KDM2A: variants seen among roughly 807,000 people sequenced by gnomAD.
KDM2A encodes lysine demethylase 2A, also known as lysine-specific demethylase 2A.
Under a neutral mutation model 137.3 loss-of-function variants are expected in KDM2A, and 3 were observed. The ratio of observed to expected loss-of-function variants is 0.02; its 90% confidence interval spans 0.01 to 0.06. KDM2A has a LOEUF of 0.06. Among genes scored for constraint, KDM2A ranks in the 10% least tolerant of loss-of-function variants. The probability of loss-of-function intolerance (pLI) is 1.00; values close to 1 mark genes in which losing one functional copy is unlikely to be tolerated. For synonymous variants in KDM2A, 512 were observed against 541.5 expected (o/e 0.95, Z 0.76); for missense variants, 738 against 1,510.6 (o/e 0.49, Z 8.48).
In KDM2A at chr11:67,130,850, G is replaced by A. The variant is rs111363689; in HGVS notation, c.42+9492G>A. Among the ~76,000 whole-genome samples the A allele has an allele frequency of 1.2e-3, 178 of 150,230 alleles. 1 individual carries two copies. The highest frequency in any genetic ancestry group is 4.2e-3 in the African/African-American group (171 of 40,424). On this transcript the variant is annotated intron_variant, in intron 2 of 20. Coordinates refer to ENST00000529006, the MANE Select transcript of KDM2A (RefSeq NM_012308.3). ...ACAACCCTGGAAGGTAGATGGTATC[G>A]TTTTAAACCTTGATTTTTTTTTTTT... is the stretch of plus-strand genomic sequence containing the variant.
chr11:67,132,602 T>G (rs1590707710), intron 2 of KDM2A, among the ~76,000 whole-genome samples: 1 of 152,304 alleles, frequency 6.6e-6, no homozygotes, highest in East Asian at 1.9e-4. Context: ...GTTTTTAATA[T>G]AACAGTGATT....
chr11:67,207,031 C>T (rs1857825531), intron 5 of KDM2A, among the ~76,000 whole-genome samples: 1 of 152,160 alleles, frequency 6.6e-6, no homozygotes, highest in Admixed American at 6.6e-5. Context: ...AATATAAATT[C>T]AAAATCAGTC....
intron 2 of KDM2A, among the ~76,000 whole-genome samples, chr11:67,166,839 G>A (rs145431330): frequency 1.2e-3 from 180 of 152,286 alleles, no homozygotes; most frequent in Admixed American, 2.2e-3. Context: ...CAATTTGGAA[G>A]GCCAAGGCGG....
At chr11:67,218,889 G>T (rs745672317) in intron 9 of KDM2A, among the ~76,000 whole-genome samples, 1 of 152,216 alleles carries the variant, frequency 6.6e-6, no homozygotes, top group Non-Finnish European at 1.5e-5. Flanking sequence ...GATTATAGGC[G>T]TGAGCCCCCG....
chr11:67,134,654 G>A (rs573875937), intron 2 of KDM2A, among the ~76,000 whole-genome samples: 3 of 150,924 alleles, frequency 2.0e-5, no homozygotes, highest in East Asian at 4.0e-4. Flanking sequence ...ACAGGTATGC[G>A]TCGCCACGCC....
intron 5 of KDM2A, 85 bp from the exon 6 acceptor site, chr11:67,207,425 T>C: frequency 9.3e-7 from 1 of 1,074,048 alleles, no homozygotes; most frequent in South Asian, 2.4e-5. Flanking sequence ...ACAGTATTTT[T>C]TCTTCTACTT....
At chr11:67,122,974 C>G (rs979343192) in intron 2 of KDM2A, among the ~76,000 whole-genome samples, 7 of 151,854 alleles carry the variant, frequency 4.6e-5, no homozygotes, top group Admixed American at 4.0e-4. Flanking sequence ...TGCATCTGGC[C>G]TTTTATTTTT....
chr11:67,126,278 A>G (rs938391908), intron 2 of KDM2A, among the ~76,000 whole-genome samples: 2 of 151,608 alleles, frequency 1.3e-5, no homozygotes, highest in South Asian at 2.1e-4. Flanking sequence ...TAACTAGTTT[A>G]AAAAAATTGT....
Position 67,245,260 on chromosome 11 carries a change from A to T in KDM2A, c.1635A>T (p.Pro545=), listed in dbSNP as rs1336215400. The T allele has an allele frequency of 6.2e-7, 1 of 1,614,038 alleles. No individual in the cohort carries two copies. The highest frequency in any genetic ancestry group is 8.5e-7 in the Non-Finnish European group (1 of 1,179,898). ...TTACGAAGCCTCACACTATGAAACC[A>T]GCTCCACGGTTAACACCTGTGAGGC... is the stretch of plus-strand genomic sequence containing the variant. ...IPITKPHTMK[P]APRLTPVRPA... is the part of the protein sequence containing the mutation. The change falls in exon 14 of 21, where the codon CCA becomes CCT. Residue 545 remains proline (P), a synonymous_variant. Transcript: ENST00000529006. The surrounding 1 kb of genome is among the most constrained non-coding windows in gnomAD (Gnocchi z 4.1).
At chr11:67,130,397 G>A (rs556337963) in intron 2 of KDM2A, among the ~76,000 whole-genome samples, 143 of 151,988 alleles carry the variant, frequency 9.4e-4, no homozygotes, top group Non-Finnish European at 1.8e-3. Context: ...CGCCCACTTC[G>A]GCCTCCCAAA....
chr11:67,183,683 G>A (rs940274953), intron 5 of KDM2A, among the ~76,000 whole-genome samples: 5 of 152,176 alleles, frequency 3.3e-5, no homozygotes, highest in Non-Finnish European at 7.3e-5. Context: ...AAGCAGCTGT[G>A]CATATGTTTC....
At chr11:67,155,157 G>A (rs1856485071) in intron 2 of KDM2A, among the ~76,000 whole-genome samples, 1 of 152,122 alleles carries the variant, frequency 6.6e-6, no homozygotes, top group African/African-American at 2.4e-5. Context: ...TGGGGTTGCA[G>A]GTGCCTGCCA....
intron 3 of KDM2A, 85 bp downstream of exon 3, chr11:67,180,302 G>A (rs1279720706): frequency 4.4e-6 from 6 of 1,374,516 alleles, no homozygotes; most frequent in Admixed American, 2.5e-5. Flanking sequence ...CCTTTATCCA[G>A]CTAAAATATT....
rs1044867364 is a variant in KDM2A at position 67,228,240 on chromosome 11, T to G, written c.1084+77T>G. On this transcript the variant is annotated intron_variant, in intron 11 of 20. Coordinates refer to ENST00000529006, the MANE Select transcript of KDM2A (RefSeq NM_012308.3). Reference sequence around the variant, plus strand: ...GAGGCCCGAAATACTCAGTAGGCTGTCACTCAATATGTTCTTGGTTTTTTA... The same window carrying G: ...GAGGCCCGAAATACTCAGTAGGCTGGCACTCAATATGTTCTTGGTTTTTTA... 3 of 1,465,558 alleles carry G rather than the reference T, an allele frequency of 2.0e-6. No individual in the cohort carries two copies. In the African/African-American group the frequency reaches 4.2e-5, roughly 21 times the overall value. The allele number at this position is 1,465,558 out of a possible 1,614,324, so 90.8% of individuals were successfully genotyped here. A position where few individuals can be genotyped will look rare whatever the true frequency, so the allele number is the denominator to read the frequency against.
intron 5 of KDM2A, among the ~76,000 whole-genome samples, chr11:67,189,054 A>G (rs1357862486): frequency 1.3e-5 from 2 of 152,166 alleles, no homozygotes; most frequent in Non-Finnish European, 2.9e-5. Context: ...TTAACACAGT[A>G]AACCAACTAG....
intron 10 of KDM2A, among the ~76,000 whole-genome samples, chr11:67,220,416 A>C (rs1370678274): frequency 3.3e-5 from 5 of 152,308 alleles, no homozygotes; most frequent in Non-Finnish European, 7.3e-5. Flanking sequence ...GGGGCTTATC[A>C]ACCCAAATTT....
At chr11:67,141,799 C>T (rs1856109451) in intron 2 of KDM2A, among the ~76,000 whole-genome samples, 2 of 151,248 alleles carry the variant, frequency 1.3e-5, no homozygotes, top group Admixed American at 1.3e-4. Flanking sequence ...ATTAACCATC[C>T]TCTCTTTATG....
chr11:67,231,372 C>G (rs545711972), intron 11 of KDM2A, among the ~76,000 whole-genome samples, 194 bp from the exon 12 acceptor site: 1 of 152,112 alleles, frequency 6.6e-6, no homozygotes, highest in Non-Finnish European at 1.5e-5. Context: ...CCTCCTAGGT[C>G]AGGATCCTGT....
chr11:67,203,198 T>C (rs1368586258), intron 5 of KDM2A, among the ~76,000 whole-genome samples: 1 of 152,058 alleles, frequency 6.6e-6, no homozygotes, highest in Non-Finnish European at 1.5e-5. Flanking sequence ...CAATAAAGTA[T>C]TTTTAAATAA....
Sources: gnomAD v4.1 joint callset for allele counts (sites outside exome capture counted in the v4.1 genomes callset) on GRCh38, gnomAD v4.1.1 for gene constraint, Gnocchi (gnomAD v3.1) non-coding constraint, MANE v1.5 for transcripts, NCBI Gene and HGNC (gene_info 2026-07-23, HGNC 2026-07-21) for gene names.